Variants in ASAP1 observed in about 807,000 individuals in gnomAD.
ASAP1 encodes the protein ArfGAP with SH3 domain, ankyrin repeat and PH domain 1.
In ASAP1, 43 loss-of-function variants were observed where a neutral mutation model predicts 145.2. The ratio of observed to expected loss-of-function variants is 0.30; its 90% CI spans 0.23 to 0.38. The LOEUF (loss-of-function observed/expected upper bound fraction) is 0.38. Among genes scored for constraint, ASAP1 ranks in the 10% least tolerant of loss-of-function variants. The pLI, the probability that ASAP1 is intolerant of heterozygous loss-of-function variation, is 1.00. For synonymous variants in ASAP1, 546 were observed against 515.5 expected, an observed-to-expected ratio of 1.06 and a Z score of -0.80; for missense variants, 1,018 against 1,355.3, an observed-to-expected ratio of 0.75 and a Z score of 3.91.
chr8:130,432,120 G>A (rs976905780), intron 1 of ASAP1, among the ~76,000 whole-genome samples: 3 of 127,764 alleles, frequency 2.3e-5, no homozygotes, highest in Non-Finnish European at 5.0e-5. Context: ...AGAGGGAAGA[G>A]GAGGAAAGGA....
chr8:130,407,725 G>T (rs1008646682), intron 1 of ASAP1, among the ~76,000 whole-genome samples: 3 of 152,206 alleles, frequency 2.0e-5, no homozygotes, highest in African/African-American at 7.2e-5. Flanking sequence ...AGGAATTCCT[G>T]ATGCCATGCA....
At chr8:130,205,516 T>G (rs957059352) in intron 5 of ASAP1, among the ~76,000 whole-genome samples, 1 of 151,396 alleles carries the variant, frequency 6.6e-6, no homozygotes, top group Non-Finnish European at 1.5e-5. Context: ...AATAATCAGT[T>G]ATGGTACAGA....
Position 130,214,603 on chromosome 8 carries a change from T to A in ASAP1, c.358A>T (p.Lys120Ter), listed in dbSNP as rs933180910. 1.2e-6 allele frequency: 2 copies of A among 1,613,102 alleles called. No homozygotes were observed. The highest frequency in any genetic ancestry group is 1.7e-6 in the Non-Finnish European group (2 of 1,179,636). ...DNPDLGTAFVKFSTLTKELST... is the reference protein window; with the variant it reads ...DNPDLGTAFV ...AGTTCCTTTGTAAGAGTAGAAAACT[T>A]GACAAACGCGGTGCCAAGGTCGGGG... Residue 120 changes from lysine to a stop codon, truncating the protein, a stop_gained, in exon 5 of 30, where the codon AAG becomes TAG. Coordinates refer to ENST00000518721, the MANE Select transcript of ASAP1 (RefSeq NM_018482.4). LOFTEE classifies it high-confidence loss of function.
intron 13 of ASAP1, among the ~76,000 whole-genome samples, chr8:130,138,432 A>G (rs2097600545): frequency 6.6e-6 from 1 of 152,208 alleles, no homozygotes; most frequent in Admixed American, 6.5e-5. Context: ...CAAGTACAAG[A>G]GAATTTTGCC....
chr8:130,096,892 G>A (rs1592790143), intron 24 of ASAP1, among the ~76,000 whole-genome samples: 1 of 152,068 alleles, frequency 6.6e-6, no homozygotes, highest in South Asian at 2.1e-4. Context: ...TTGGGAGGCC[G>A]AGGCGTGAGG....
intron 24 of ASAP1, among the ~76,000 whole-genome samples, chr8:130,108,782 T>G (rs961419976): frequency 2.3e-5 from 3 of 132,282 alleles, no homozygotes; most frequent in Admixed American, 7.7e-5. Context: ...TTTTTTTTTT[T>G]TTTTTTTTTT....
intron 2 of ASAP1, among the ~76,000 whole-genome samples, chr8:130,390,167 G>A (rs1217853436): frequency 1.3e-5 from 2 of 152,192 alleles, no homozygotes; most frequent in East Asian, 1.9e-4. Context: ...CTATTACCTC[G>A]CTTTACCTCT....
chr8:130,318,913 C>G (rs1458682597), intron 3 of ASAP1, among the ~76,000 whole-genome samples: 1 of 152,124 alleles, frequency 6.6e-6, no homozygotes, highest in Non-Finnish European at 1.5e-5. Flanking sequence ...CAACACTGCC[C>G]TACTACAGGA....
At chr8:130,116,497 G>A (rs2097556191) in intron 22 of ASAP1, among the ~76,000 whole-genome samples, 181 bp downstream of exon 22, 1 of 152,142 alleles carries the variant, frequency 6.6e-6, no homozygotes, top group African/African-American at 2.4e-5. Flanking sequence ...CCAAAAACAT[G>A]TGGATGACAA....
intron 3 of ASAP1, among the ~76,000 whole-genome samples, chr8:130,321,349 T>C (rs947525099): frequency 1.3e-5 from 2 of 152,012 alleles, no homozygotes; most frequent in Non-Finnish European, 2.9e-5. Context: ...GGCTTACACA[T>C]GAGGGTCTGG....
At chr8:130,284,254 G>T (rs1434926760) in intron 3 of ASAP1, among the ~76,000 whole-genome samples, 1 of 152,080 alleles carries the variant, frequency 6.6e-6, no homozygotes, top group Non-Finnish European at 1.5e-5. Context: ...AATGATCCAA[G>T]ATCTCAAAAC....
At chr8:130,148,276 T>C (rs2097637636) in intron 13 of ASAP1, among the ~76,000 whole-genome samples, 1 of 152,242 alleles carries the variant, frequency 6.6e-6, no homozygotes. Flanking sequence ...GCTGGAAAAC[T>C]GGTCCAGCTA....
At chr8:130,426,341 T>C (rs1427909384) in intron 1 of ASAP1, among the ~76,000 whole-genome samples, 8 of 152,094 alleles carry the variant, frequency 5.3e-5, no homozygotes, top group Non-Finnish European at 2.9e-5. Context: ...TTAAACCTCT[T>C]TTCTTTATAA....
intron 5 of ASAP1, among the ~76,000 whole-genome samples, chr8:130,204,711 A>C (rs1473636699): frequency 6.6e-6 from 1 of 152,170 alleles, no homozygotes; most frequent in East Asian, 1.9e-4. Context: ...GGGAGCTTCC[A>C]TGCGTCTAAG....
At chr8:130,323,950 A>G (rs915130658) in intron 3 of ASAP1, among the ~76,000 whole-genome samples, 16 of 152,218 alleles carry the variant, frequency 1.1e-4, no homozygotes, top group African/African-American at 3.9e-4. Context: ...TTCTTGCCCC[A>G]TGGCTCCCAG....
intron 26 of ASAP1, among the ~76,000 whole-genome samples, chr8:130,079,539 G>T (rs534675031): frequency 1.7e-4 from 26 of 152,264 alleles, no homozygotes; most frequent in Non-Finnish European, 1.2e-4. Context: ...TGCAAAAGGA[G>T]TCAAGTGGAA....
intron 3 of ASAP1, among the ~76,000 whole-genome samples, chr8:130,261,964 G>A (rs778282010): frequency 2.6e-5 from 4 of 151,866 alleles, no homozygotes; most frequent in Non-Finnish European, 5.9e-5. Flanking sequence ...TGGTAAACAG[G>A]TATAAAACTT....
At chr8:130,427,715 A>G (rs1477092399) in intron 1 of ASAP1, 1 of 152,178 alleles carries the variant, frequency 6.6e-6, no homozygotes, top group African/African-American at 2.4e-5. Flanking sequence ...CACTATCTCT[A>G]AGACATGGAA....
rs776949238 is a variant in ASAP1 at position 130,358,142 on chromosome 8, T to C, written c.61A>G (p.Met21Val). The change falls in exon 3 of 30, where the codon ATG becomes GTG. Residue 21 changes from methionine to valine, a missense_variant and splice_region_variant. Met to Val is a conservative substitution (Grantham distance 21). Around this residue, in one of 9 missense-constraint regions of ASAP1, gnomAD observed 106 missense variants for 134.5 expected, o/e 0.79. Transcript: ENST00000518721. This position sits in a 1 kb window ranked among gnomAD's most constrained non-coding sequence, Gnocchi z 4.1. ...FSSRDSLWNR[M>V]PDQISVSEFI... ...TCCGAGACAGAGATCTGGTCCGGCA[T>C]CCTGCCGGGAGGGACGAGACACAAG... 1 of 1,603,212 alleles carries C rather than the reference T, an allele frequency of 6.2e-7. No individual in the cohort carries two copies. The highest frequency in any genetic ancestry group is 2.2e-5 in the East Asian group (1 of 44,484).
Sources: gnomAD v4.1 joint callset for allele counts (sites outside exome capture counted in the v4.1 genomes callset) on GRCh38, gnomAD v4.1.1 for gene constraint, gnomAD v4.1.1 regional missense constraint, Gnocchi (gnomAD v3.1) non-coding constraint, MANE v1.5 for transcripts, NCBI Gene and HGNC (gene_info 2026-07-23, HGNC 2026-07-21) for gene names.